Variants in METTL15 observed in about 807,000 individuals in gnomAD.
The protein encoded by METTL15 is methyltransferase 15, mitochondrial 12S rRNA N4-cytidine.
A neutral mutation model predicts 38.3 loss-of-function variants in METTL15; 34 were observed. The ratio of observed to expected loss-of-function variants is 0.89; its 90% CI spans 0.68 to 1.18. The LOEUF is 1.18. Among genes scored for constraint, METTL15 ranks in the 50% most tolerant of loss-of-function variants. The probability of loss-of-function intolerance (pLI) is 0.00; values close to 1 mark genes in which losing one functional copy is unlikely to be tolerated. For missense variants in METTL15, 438 were observed against 498.4 expected (o/e 0.88, Z 1.15); for synonymous variants, 162 against 170.9 (o/e 0.95, Z 0.41).
At chr11:28,220,439 T>G (rs993588979) in intron 4 of METTL15, among the ~76,000 whole-genome samples, 6 of 152,208 alleles carry the variant, frequency 3.9e-5, no homozygotes, top group Non-Finnish European at 7.3e-5. Flanking sequence ...TTCCTTTATT[T>G]TGAGCCTATG....
At chr11:28,263,683 T>C (rs1354314934) in intron 4 of METTL15, among the ~76,000 whole-genome samples, 2 of 152,208 alleles carry the variant, frequency 1.3e-5, no homozygotes, top group East Asian at 1.9e-4. Context: ...CTTTTTCGAA[T>C]TGAGTAATTG....
At chr11:28,184,441 G>C (rs1473943417) in intron 3 of METTL15, among the ~76,000 whole-genome samples, 4 of 151,956 alleles carry the variant, frequency 2.6e-5, no homozygotes, top group Non-Finnish European at 4.4e-5. Flanking sequence ...ATGTGTCCCA[G>C]AGATTCTGGT....
chr11:28,501,499 A>G (rs1851582464), intron 6 of METTL15, among the ~76,000 whole-genome samples: 1 of 152,220 alleles, frequency 6.6e-6, no homozygotes, highest in African/African-American at 2.4e-5. Flanking sequence ...GGAGTTTGCC[A>G]GAAAAGATTC....
At chr11:28,143,077 C>CTCAA (rs780981050) in intron 3 of METTL15, among the ~76,000 whole-genome samples, 1 of 151,690 alleles carries the variant, frequency 6.6e-6, no homozygotes, top group Non-Finnish European at 1.5e-5. Context: ...GTGGCCTTGT[C>CTCAA]GTAGGATGAA....
chr11:28,205,679 C>G (rs1374797804), intron 3 of METTL15, among the ~76,000 whole-genome samples: 2 of 151,642 alleles, frequency 1.3e-5, no homozygotes, highest in African/African-American at 4.9e-5. Context: ...GAGGAATCGC[C>G]ACACTGACTT....
intron 5 of METTL15, among the ~76,000 whole-genome samples, chr11:28,389,100 G>A (rs1850473447): frequency 6.6e-6 from 1 of 152,004 alleles, no homozygotes; most frequent in African/African-American, 2.4e-5. Context: ...ATGTGGGTTG[G>A]TTCCAAGTCT....
chr11:28,502,187 A>T (rs1451667907), intron 6 of METTL15, among the ~76,000 whole-genome samples: 1 of 152,094 alleles, frequency 6.6e-6, no homozygotes, highest in Non-Finnish European at 1.5e-5. Flanking sequence ...CTTGGAGAGG[A>T]GTTAAATGAG....
At chr11:28,437,294 A>C (rs748316695) in intron 6 of METTL15, among the ~76,000 whole-genome samples, 1 of 152,178 alleles carries the variant, frequency 6.6e-6, no homozygotes, top group Non-Finnish European at 1.5e-5. Flanking sequence ...TCATATCTAC[A>C]TATATCCTAT....
intron 6 of METTL15, among the ~76,000 whole-genome samples, chr11:28,500,937 A>T (rs977396461): frequency 6.6e-6 from 1 of 152,250 alleles, no homozygotes; most frequent in African/African-American, 2.4e-5. Flanking sequence ...GAAAGATAAC[A>T]TTTAGGTTCT....
chr11:28,111,318 A>G (rs746961585), intron 2 of METTL15, among the ~76,000 whole-genome samples: 2 of 152,144 alleles, frequency 1.3e-5, no homozygotes, highest in African/African-American at 2.4e-5. Context: ...TCTTATTCCT[A>G]TGTTAGAATT....
chr11:28,236,975 T>G (rs1854015875), intron 4 of METTL15, among the ~76,000 whole-genome samples: 1 of 152,208 alleles, frequency 6.6e-6, no homozygotes, highest in Non-Finnish European at 1.5e-5. Flanking sequence ...AGATCAGCTG[T>G]TAGTCTGATG....
chr11:28,382,774 G>T (rs549311712), intron 5 of METTL15, among the ~76,000 whole-genome samples: 2 of 151,788 alleles, frequency 1.3e-5, no homozygotes, highest in Non-Finnish European at 2.9e-5. Flanking sequence ...GGCAGAGGTT[G>T]CAGTGAGCCA....
At chr11:28,502,049 G>A (rs1371088880) in intron 6 of METTL15, among the ~76,000 whole-genome samples, 6 of 150,788 alleles carry the variant, frequency 4.0e-5, no homozygotes, top group African/African-American at 1.5e-4. Context: ...TGCAGGGAGC[G>A]GAGATCTCGC....
intron 5 of METTL15, among the ~76,000 whole-genome samples, chr11:28,388,159 A>G (rs1850461037): frequency 6.6e-6 from 1 of 152,150 alleles, no homozygotes; most frequent in Admixed American, 6.6e-5. Flanking sequence ...TATAAGGCAA[A>G]GATTCTCACT....
chr11:28,508,180 C>A (rs1851645550), intron 6 of METTL15, among the ~76,000 whole-genome samples: 1 of 151,970 alleles, frequency 6.6e-6, no homozygotes, highest in Non-Finnish European at 1.5e-5. Flanking sequence ...CTCTTCAGTC[C>A]TTATTTTTTT....
At chr11:28,523,398 T>C (rs1851783853) in intron 6 of METTL15, among the ~76,000 whole-genome samples, 1 of 152,228 alleles carries the variant, frequency 6.6e-6, no homozygotes, top group African/African-American at 2.4e-5. Flanking sequence ...TTGAAACATA[T>C]GAACATCATG....
At chr11:28,304,223 C>A (rs1185423217) in intron 6 of METTL15, among the ~76,000 whole-genome samples, 1 of 152,030 alleles carries the variant, frequency 6.6e-6, no homozygotes, top group Non-Finnish European at 1.5e-5. Context: ...TCACTTCATT[C>A]CAAGATGTTC....
At chr11:28,157,989 G>A (rs1349027877) in intron 3 of METTL15, among the ~76,000 whole-genome samples, 1 of 152,142 alleles carries the variant, frequency 6.6e-6, no homozygotes, top group Non-Finnish European at 1.5e-5. Flanking sequence ...CTTCCCAGTG[G>A]GCAGAACTTC....
chr11:28,219,004 A>G (rs1853050715), intron 4 of METTL15, among the ~76,000 whole-genome samples: 2 of 152,154 alleles, frequency 1.3e-5, no homozygotes, highest in African/African-American at 4.8e-5. Context: ...CATCAGGGAT[A>G]TTGTTCTAAA....
Sources: allele counts gnomAD v4.1 joint callset (sites outside exome capture counted in the v4.1 genomes callset), GRCh38; gene constraint gnomAD v4.1.1; transcripts MANE v1.5; gene names NCBI Gene and HGNC (gene_info 2026-07-23, HGNC 2026-07-21).